PITRM1: variants seen among roughly 807,000 people sequenced by gnomAD.
The protein encoded by PITRM1 is pitrilysin metallopeptidase 1.
Under a neutral mutation model 129.9 loss-of-function variants are expected in PITRM1, and 100 were observed. The ratio of observed to expected loss-of-function variants is 0.77; its 90% CI spans 0.65 to 0.91. PITRM1 has a LOEUF of 0.91. PITRM1 is among the 40% of genes least tolerant of loss of function. The probability of loss-of-function intolerance (pLI) is 0.00; values close to 1 mark genes in which losing one functional copy is unlikely to be tolerated. For synonymous variants in PITRM1, 591 were observed against 508.8 expected (o/e 1.16, Z -2.17); for missense variants, 1,471 against 1,318.3 (o/e 1.12, Z -1.79).
rs149254798 is a variant in PITRM1, at chr10:3,152,947, C to T, written c.1622-1584G>A. Among the ~76,000 whole-genome samples, 84 of 152,370 alleles carry T rather than the reference C, an allele frequency of 5.5e-4. 1 individual carries two copies. The East Asian group carries it at 0.012, about 22-fold the overall frequency. ...ACACTCCCTGATGGTGGAGGCTTTA[C>T]CCCTTCACAGTGCTTAAGACACACA... On this transcript the variant is annotated intron_variant, in intron 14 of 26. Coordinates refer to ENST00000224949, the MANE Select transcript of PITRM1 (RefSeq NM_014889.4).
At chr10:3,153,624 A>T (rs1841712791) in intron 14 of PITRM1, among the ~76,000 whole-genome samples, 1 of 152,070 alleles carries the variant, frequency 6.6e-6, no homozygotes, top group South Asian at 2.1e-4. Context: ...GTCTCAAAAA[A>T]AAAACCAAAA....
intron 9 of PITRM1, 32 bp from the exon 10 acceptor site, chr10:3,159,074 A>G: frequency 6.3e-7 from 1 of 1,586,556 alleles, no homozygotes; most frequent in Non-Finnish European, 8.6e-7. Context: ...CGGGGAGGTA[A>G]GAAAAGAGTA....
At chr10:3,172,422 T>C (rs1843459070) in intron 1 of PITRM1, among the ~76,000 whole-genome samples, 1 of 152,108 alleles carries the variant, frequency 6.6e-6, no homozygotes, top group South Asian at 2.1e-4. Context: ...GCCGACCCCA[T>C]TTACTACCCC....
chr10:3,145,877 C>G (rs1840807724), intron 20 of PITRM1, 161 bp from the exon 21 acceptor site: 1 of 625,632 alleles, frequency 1.6e-6, no homozygotes, highest in South Asian at 1.9e-5. Flanking sequence ...CCTCCCTGCT[C>G]TTCAGTGCTT....
chr10:3,172,175 C>CTGT (rs1564446206), intron 1 of PITRM1: 2 of 456,446 alleles, frequency 4.4e-6, no homozygotes, highest in Non-Finnish European at 8.8e-6. Context: ...CAGCGCTGAA[C>CTGT]TATTACCTTA....
In PITRM1 at chr10:3,143,509, A is replaced by G. The variant is rs1840485992; in HGVS notation, c.2533-8T>C. On this transcript the variant is annotated splice_polypyrimidine_tract_variant and splice_region_variant and intron_variant, in intron 22 of 26. Coordinates refer to ENST00000224949, the MANE Select transcript of PITRM1 (RefSeq NM_014889.4). The stretch of plus-strand genomic sequence containing the variant: ...GGGCTTGAAGGTGGGTTCCTGAGGG[A>G]CACGGTATGGTCAGAGGCGGCTGTG... 2 of 1,586,556 alleles carry G rather than the reference A, an allele frequency of 1.3e-6. No individual in the cohort carries two copies. The highest frequency in any genetic ancestry group is 2.7e-5 in the African/African-American group (2 of 74,370).
rs528513085 is a variant in PITRM1, at chr10:3,151,169, C to CTA, written c.1738+76_1738+77dup. The CTA allele has an allele frequency of 6.2e-4, 497 of 796,228 alleles. 2 individuals are homozygous for CTA. In the African/African-American group the frequency reaches 7.7e-3, roughly 12 times the overall value. 49.3% of individuals were successfully genotyped at this position (796,228 alleles called of 1,614,324 possible). On this transcript the variant is annotated intron_variant, in intron 15 of 26. Transcript: ENST00000224949. Reference sequence around the variant, plus strand: ...CAGGGAAAACCTCCAAGACATGACTCTACTGCTTCTGTGAGGAGTGACATT... The same window carrying CTA: ...CAGGGAAAACCTCCAAGACATGACTCTATACTGCTTCTGTGAGGAGTGACATT...
intron 8 of PITRM1, 114 bp downstream of exon 8, chr10:3,160,090 T>C: frequency 1.5e-6 from 2 of 1,299,680 alleles, no homozygotes; most frequent in Non-Finnish European, 2.2e-6. Flanking sequence ...TGAAAAGCTC[T>C]CCCATACTCT....
intron 4 of PITRM1, among the ~76,000 whole-genome samples, chr10:3,165,842 T>C (rs950319918): frequency 6.6e-6 from 1 of 152,234 alleles, no homozygotes; most frequent in Non-Finnish European, 1.5e-5. Flanking sequence ...TGTAACAGCA[T>C]GGATTTAACC....
Position 3,147,263 on chromosome 10 carries a change from A to G in PITRM1, c.2236-13T>C. 2 of 1,585,802 alleles carry G rather than the reference A, an allele frequency of 1.3e-6. No individual in the cohort carries two copies. The highest frequency in any genetic ancestry group is 2.2e-5 in the South Asian group (2 of 90,162). ...TCATCAGCCGCACCTAAGCCAGAGGAAACTCGCTCAGAGAGAGGCAGAGGC... is the reference window on the plus strand; with the variant it reads ...TCATCAGCCGCACCTAAGCCAGAGGGAACTCGCTCAGAGAGAGGCAGAGGC... On this transcript the variant is annotated splice_polypyrimidine_tract_variant and intron_variant, in intron 19 of 26. Transcript: ENST00000224949.
At chr10:3,141,789 G>C in intron 23 of PITRM1, 1 of 380,694 alleles carries the variant, frequency 2.6e-6, no homozygotes, top group Non-Finnish European at 5.6e-6. Flanking sequence ...CAAGGAAGGA[G>C]TGGGCGTGTT....
At chr10:3,171,154 A>AAAAAAAAAAAAAAAAAAACAAAAAC (rs1843311005) in intron 1 of PITRM1, among the ~76,000 whole-genome samples, 2 of 76,130 alleles carry the variant, frequency 2.6e-5, no homozygotes, top group African/African-American at 9.6e-5. Context: ...AATTAAAAAA[A>AAAAAAAAAAAAAAAAAAACAAAAAC]AAAAAAAAAA....
At chr10:3,162,219 C>T (rs540508950) in intron 7 of PITRM1, among the ~76,000 whole-genome samples, 67 of 151,642 alleles carry the variant, frequency 4.4e-4, no homozygotes, top group African/African-American at 1.4e-3. Context: ...GTAGTTCCTG[C>T]ACCACCCCTC....
In PITRM1 at chr10:3,170,934, G is replaced by A. The variant is rs982802445; in HGVS notation, c.57-728C>T. On this transcript the variant is annotated intron_variant, in intron 1 of 26. Coordinates refer to ENST00000224949, the MANE Select transcript of PITRM1 (RefSeq NM_014889.4). Reference sequence around the variant, plus strand: ...GCCGAGATCACGCCACTGCACTCCAGCCTGGGTGACAGAGCAAGACTGTCG... The same window carrying A: ...GCCGAGATCACGCCACTGCACTCCAACCTGGGTGACAGAGCAAGACTGTCG... Among the ~76,000 whole-genome samples the A allele has an allele frequency of 4.6e-5, 7 of 151,842 alleles. No homozygotes were observed. The South Asian group carries it at 8.3e-4, about 18-fold the overall frequency.
chr10:3,158,875 C>G (rs775631694), intron 10 of PITRM1, 39 bp downstream of exon 10: 8 of 1,599,516 alleles, frequency 5.0e-6, no homozygotes, highest in African/African-American at 4.0e-5. Context: ...CTGCCCCCAA[C>G]CAATGAGAAC....
In PITRM1 at chr10:3,166,300, T is replaced by C; in HGVS notation, c.347A>G (p.Lys116Arg). The C allele has an allele frequency of 6.2e-7, 1 of 1,612,360 alleles. No homozygotes were observed. The highest frequency in any genetic ancestry group is 1.1e-5 in the South Asian group (1 of 90,960). Residue 116 changes from lysine to arginine, a missense_variant, in exon 4 of 27, where the codon AAA becomes AGA. By Grantham distance (26) the Lys-to-Arg change is conservative. Coordinates refer to ENST00000224949, the MANE Select transcript of PITRM1 (RefSeq NM_014889.4). Reference sequence around the variant, plus strand: ...GAAGAAAGGGTCTCTGCACGGATATTTCTGAGACCCACAAAGGACGGTATG... The same window carrying C: ...GAAGAAAGGGTCTCTGCACGGATATCTCTGAGACCCACAAAGGACGGTATG... ...LEHTVLCGSQ[K>R]YPCRDPFFKM... is the part of the protein sequence containing the mutation.
intron 17 of PITRM1, 50 bp downstream of exon 17, chr10:3,148,121 A>G: frequency 6.2e-7 from 1 of 1,613,774 alleles, no homozygotes; most frequent in Non-Finnish European, 8.5e-7. Flanking sequence ...AGTGACAGAC[A>G]CTGGAGAAAA....
At position 3,148,308 on chromosome 10, in the gene PITRM1, G is replaced by C. The variant is rs767510573; in HGVS notation, c.1872-17C>G. 1 of 1,580,602 alleles carries C rather than the reference G, an allele frequency of 6.3e-7. No individual in the cohort carries two copies. The highest frequency in any genetic ancestry group is 8.6e-7 in the Non-Finnish European group (1 of 1,164,086). ...CAGCCCAGCCTGACACAGCAGAGAA[G>C]CATCGCCCCGATTACAAGTCAGTCT... On this transcript the variant is annotated splice_polypyrimidine_tract_variant and intron_variant, in intron 16 of 26. Coordinates refer to ENST00000224949, the MANE Select transcript of PITRM1 (RefSeq NM_014889.4).
Position 3,138,143 on chromosome 10 carries a change from T to A in PITRM1, c.3021-19A>T, listed in dbSNP as rs1417059648. 7 of 1,594,372 alleles carry A rather than the reference T, an allele frequency of 4.4e-6. No homozygotes were observed. Among genetic ancestry groups the A allele is most frequent in the Non-Finnish European group, 6.0e-6 (7 of 1,164,588 alleles). On this transcript the variant is annotated intron_variant, in intron 26 of 26. Coordinates refer to ENST00000224949, the MANE Select transcript of PITRM1 (RefSeq NM_014889.4). ...GAGGTATCTGAGAGGAAGGCAGGCG[T>A]GGTCAGCAAGGACTGGCTTCTGCGT...
Sources: gnomAD v4.1 joint callset for allele counts (sites outside exome capture counted in the v4.1 genomes callset) on GRCh38, gnomAD v4.1.1 for gene constraint, MANE v1.5 for transcripts, NCBI Gene and HGNC (gene_info 2026-07-23, HGNC 2026-07-21) for gene names.